The following CDH13 variants were observed in gnomAD, a reference collection of about 807,000 sequenced individuals.
CDH13 encodes cadherin 13.
CDH13 carries 24 observed loss-of-function variants against 63.8 expected under a neutral mutation model. The observed-to-expected ratio is 0.38, with a 90% CI of 0.27 to 0.53. The LOEUF (loss-of-function observed/expected upper bound fraction) is 0.53. Among genes scored for constraint, CDH13 ranks in the 20% least tolerant of loss-of-function variants. The pLI is 0.85. For missense variants in CDH13, 1,049 were observed against 903.1 expected (o/e 1.16, Z -2.07); for synonymous variants, 503 against 355.3 (o/e 1.42, Z -4.67).
intron 2 of CDH13, among the ~76,000 whole-genome samples, chr16:82,885,163 A>G (rs1417460425): frequency 6.6e-6 from 1 of 152,248 alleles, no homozygotes; most frequent in Admixed American, 6.5e-5. Context: ...TGCATAATGC[A>G]TGATAGTATA....
intron 8 of CDH13, among the ~76,000 whole-genome samples, chr16:83,649,234 G>A (rs1912133408): frequency 6.6e-6 from 1 of 152,218 alleles, no homozygotes; most frequent in African/African-American, 2.4e-5. Flanking sequence ...TGTTCAATCA[G>A]ACCCAATGAG....
intron 2 of CDH13, among the ~76,000 whole-genome samples, chr16:82,896,385 G>A (rs1362158585): frequency 6.8e-6 from 1 of 146,294 alleles, no homozygotes; most frequent in Non-Finnish European, 1.5e-5. Flanking sequence ...TTGGCCTCCT[G>A]GACTCAAGTA....
intron 1 of CDH13, among the ~76,000 whole-genome samples, chr16:82,669,492 T>A (rs1414348987): frequency 6.6e-6 from 1 of 152,248 alleles, no homozygotes; most frequent in Non-Finnish European, 1.5e-5. Context: ...TAATTGTAAT[T>A]CTGATAACAT....
In CDH13 at chr16:82,822,210, A is replaced by G. The variant is rs1342675050; in HGVS notation, c.46-36152A>G. ...TATGCAATATAAAAAAATAAATAAA[A>G]CTTGAATGCTTCCAAATGTCTATCA... On this transcript the variant is annotated intron_variant, in intron 1 of 13. Transcript: ENST00000567109. Among the ~76,000 whole-genome samples the G allele has an allele frequency of 2.6e-5, 4 of 152,320 alleles. No homozygotes were observed. The East Asian group carries it at 5.8e-4, about 22-fold the overall frequency.
chr16:83,155,327 A>G lies in CDH13; in HGVS notation c.483+29826A>G, dbSNP rs182485827. Among the ~76,000 whole-genome samples, 5 of 152,328 alleles carry G rather than the reference A, an allele frequency of 3.3e-5. No individual in the cohort carries two copies. The East Asian group carries it at 9.7e-4, about 29-fold the overall frequency. The stretch of plus-strand genomic sequence containing the variant: ...TGCATGGTGTCAAAATTATCCTTGA[A>G]AGTCCCTTAAATGGCCCTTAAATTG... On this transcript the variant is annotated intron_variant, in intron 4 of 13. Coordinates refer to ENST00000567109, the MANE Select transcript of CDH13 (RefSeq NM_001257.5).
At chr16:82,959,744 C>A (rs1357705021) in intron 2 of CDH13, among the ~76,000 whole-genome samples, 7 of 152,216 alleles carry the variant, frequency 4.6e-5, no homozygotes. Context: ...TCCTTTATAT[C>A]TCCGAGTAGT....
Position 83,079,536 on chromosome 16 carries a change from T to A in CDH13, c.367-45849T>A, listed in dbSNP as rs539437068. 8.5e-4 allele frequency among the ~76,000 whole-genome samples: 130 copies of A among 152,344 alleles called. 1 individual carries two copies. Among genetic ancestry groups the A allele is most frequent in the African/African-American group, 2.8e-3 (115 of 41,582 alleles). ...TAATATTTCCACCAAATGCAAGTAG[T>A]AATTTAGTGAAACAATGTGTGCAAA... On this transcript the variant is annotated intron_variant, in intron 3 of 13. Coordinates refer to ENST00000567109, the MANE Select transcript of CDH13 (RefSeq NM_001257.5).
intron 7 of CDH13, among the ~76,000 whole-genome samples, chr16:83,516,006 C>G (rs901745993): frequency 3.9e-5 from 6 of 152,088 alleles, no homozygotes; most frequent in Non-Finnish European, 5.9e-5. Context: ...CATTTCTGCT[C>G]CAACCAAGAA....
chr16:83,117,734 C>T (rs1567846565), intron 3 of CDH13, among the ~76,000 whole-genome samples: 1 of 152,180 alleles, frequency 6.6e-6, no homozygotes, highest in Non-Finnish European at 1.5e-5. Flanking sequence ...CGTTCTTTTT[C>T]TCTTCCTGCC....
chr16:83,659,756 A>G (rs1211928141), intron 8 of CDH13, among the ~76,000 whole-genome samples: 2 of 150,152 alleles, frequency 1.3e-5, no homozygotes, highest in Non-Finnish European at 3.0e-5. Context: ...CCAGAAAGGT[A>G]CCCATGAGTT....
Position 83,108,768 on chromosome 16 carries a change from G to T in CDH13, c.367-16617G>T, listed in dbSNP as rs975372476. Among the ~76,000 whole-genome samples the T allele has an allele frequency of 5.3e-5, 8 of 152,250 alleles. 2 individuals carry two copies. Among genetic ancestry groups the T allele is most frequent in the Admixed American group, 4.6e-4 (7 of 15,296 alleles). ...GTTAGAACACATCAGGCCAGTCTCT[G>T]CATTTATTTGCCTTATCACAAGCCT... is the stretch of plus-strand genomic sequence containing the variant. On this transcript the variant is annotated intron_variant, in intron 3 of 13. Coordinates refer to ENST00000567109, the MANE Select transcript of CDH13 (RefSeq NM_001257.5).
chr16:82,788,770 G>T (rs1251302081), intron 1 of CDH13, among the ~76,000 whole-genome samples: 1 of 152,214 alleles, frequency 6.6e-6, no homozygotes, highest in African/African-American at 2.4e-5. Context: ...CAAAGAGCCG[G>T]ACAGATCCTG....
In CDH13 at chr16:83,300,603, C is replaced by T. The variant is rs146140551; in HGVS notation, c.637-44259C>T. Reference sequence around the variant, plus strand: ...CACCATGCCAGGCAGGGTCTGGGGACGCAGTGTTGGACAACATGAATGTAG... The same window carrying T: ...CACCATGCCAGGCAGGGTCTGGGGATGCAGTGTTGGACAACATGAATGTAG... On this transcript the variant is annotated intron_variant, in intron 5 of 13. Transcript: ENST00000567109. Among the ~76,000 whole-genome samples, 945 of 152,274 alleles carry T rather than the reference C, an allele frequency of 6.2e-3. 20 individuals carry two copies. Among genetic ancestry groups the T allele is most frequent in the African/African-American group, 0.021 (888 of 41,548 alleles).
At chr16:82,771,124 A>C (rs141511522) in intron 1 of CDH13, among the ~76,000 whole-genome samples, 30 of 152,310 alleles carry the variant, frequency 2.0e-4, no homozygotes, top group African/African-American at 6.5e-4. Flanking sequence ...ATTGTTTTAT[A>C]ATTTTTTGCA....
intron 4 of CDH13, among the ~76,000 whole-genome samples, chr16:83,196,150 G>A (rs1312346001): frequency 2.0e-5 from 3 of 152,162 alleles, no homozygotes; most frequent in Non-Finnish European, 4.4e-5. Flanking sequence ...CAGCTACTCG[G>A]GAGGCTGAAG....
At chr16:83,663,153 A>G (rs1187542695) in intron 8 of CDH13, among the ~76,000 whole-genome samples, 2 of 152,164 alleles carry the variant, frequency 1.3e-5, no homozygotes, top group African/African-American at 2.4e-5. Context: ...TCATGAATCA[A>G]CTGATGGAGT....
intron 1 of CDH13, among the ~76,000 whole-genome samples, chr16:82,774,934 G>T (rs1458491445): frequency 6.6e-6 from 1 of 152,176 alleles, no homozygotes. Context: ...GAATCTTGGC[G>T]GTTAAATGCT....
intron 1 of CDH13, among the ~76,000 whole-genome samples, chr16:82,657,227 G>A (rs1042613454): frequency 1.3e-5 from 2 of 152,132 alleles, no homozygotes; most frequent in African/African-American, 4.8e-5. Context: ...ATGAGGCACA[G>A]TAAGAGATGA....
In CDH13 at chr16:82,886,561, A is replaced by ATTTT. The variant is rs10658401; in HGVS notation, c.157+28097_157+28100dup. Among the ~76,000 whole-genome samples the ATTTT allele has an allele frequency of 4.8e-3, 718 of 149,356 alleles. 4 individuals carry two copies. The highest frequency in any genetic ancestry group is 0.014 in the African/African-American group (569 of 40,766). On this transcript the variant is annotated intron_variant, in intron 2 of 13. Coordinates refer to ENST00000567109, the MANE Select transcript of CDH13 (RefSeq NM_001257.5). ...ATTATCAACTTAGAATATTTGTGCA[A>ATTTT]TTTTTTTTTTTTACATGTGGAGCTT... is the stretch of plus-strand genomic sequence containing the variant.
Sources: gnomAD v4.1 joint callset for allele counts (sites outside exome capture counted in the v4.1 genomes callset) on GRCh38, gnomAD v4.1.1 for gene constraint, MANE v1.5 for transcripts, NCBI Gene and HGNC (gene_info 2026-07-23, HGNC 2026-07-21) for gene names.